The following CASTOR2 variants were observed in gnomAD, a reference collection of about 807,000 sequenced individuals.
CASTOR2 encodes the protein GATS protein like 2.
In CASTOR2, 8 loss-of-function variants were observed where a neutral mutation model predicts 31.2. That is an observed-to-expected ratio of 0.26 (90% CI 0.15 to 0.46). The LOEUF is 0.46. Ranked by LOEUF, CASTOR2 falls within the 20% of genes least tolerant of loss-of-function variation. The probability of loss-of-function intolerance (pLI) is 0.99; values close to 1 mark genes in which losing one functional copy is unlikely to be tolerated. For missense variants in CASTOR2, 216 were observed against 382.1 expected, an observed-to-expected ratio of 0.57 and a Z score of 3.62; for synonymous variants, 162 against 158.7, an observed-to-expected ratio of 1.02 and a Z score of -0.16.
intron 2 of CASTOR2, among the ~76,000 whole-genome samples, chr7:75,009,016 GC>G (rs1218936181): frequency 1.3e-5 from 2 of 152,138 alleles, no homozygotes; most frequent in Non-Finnish European, 2.9e-5. Context: ...GAGTGCAATG[GC>G]ACGATCTCGG....
chr7:75,009,412 C>CAT (rs1804681907), intron 2 of CASTOR2, among the ~76,000 whole-genome samples: 2 of 147,784 alleles, frequency 1.4e-5, no homozygotes, highest in Non-Finnish European at 3.0e-5. Flanking sequence ...GGACTACAGG[C>CAT]GCCCGCCACC....
intron 1 of CASTOR2, among the ~76,000 whole-genome samples, chr7:74,985,397 T>C (rs2131924836): frequency 6.6e-6 from 1 of 151,706 alleles, no homozygotes; most frequent in Admixed American, 6.6e-5. Context: ...CTGGGCAACA[T>C]AGTGAGACCC....
At chr7:74,995,888 T>C (rs1445462733) in intron 1 of CASTOR2, among the ~76,000 whole-genome samples, 2 of 150,612 alleles carry the variant, frequency 1.3e-5, no homozygotes, top group Non-Finnish European at 2.9e-5. Context: ...GTTGGGAGGC[T>C]CACTTGAGCC....
At chr7:75,011,669 GGC>G in intron 2 of CASTOR2, among the ~76,000 whole-genome samples, 1 of 139,998 alleles carries the variant, frequency 7.1e-6, no homozygotes, top group East Asian at 2.2e-4. Flanking sequence ...CCGGGAGGCG[GGC>G]TTGCAGTGAG....
chr7:74,969,971 C>G (rs1231138807), intron 1 of CASTOR2, among the ~76,000 whole-genome samples: 1 of 147,782 alleles, frequency 6.8e-6, no homozygotes, highest in Non-Finnish European at 1.5e-5. Flanking sequence ...AAGACACTAG[C>G]TTTGGAGAAG....
At position 75,011,923 on chromosome 7, in the gene CASTOR2, C is replaced by T. The variant is rs1215864504; in HGVS notation, c.184+3859C>T. 1.1e-4 allele frequency among the ~76,000 whole-genome samples: 17 copies of T among 150,230 alleles called. 1 individual carries two copies. The highest frequency in any genetic ancestry group is 9.3e-4 in the Admixed American group (14 of 15,066). On this transcript the variant is annotated intron_variant, in intron 2 of 8. Coordinates refer to ENST00000616305, the MANE Select transcript of CASTOR2 (RefSeq NM_001145064.3). ...TGGAGGTTGCAGTGAGCCGAGATCG[C>T]GCCATTGCACTCCAGCCTGGGGGAC...
chr7:75,018,181 G>T (rs1275522763), intron 4 of CASTOR2, 59 bp downstream of exon 4: 3 of 1,585,868 alleles, frequency 1.9e-6, no homozygotes, highest in Non-Finnish European at 2.6e-6. Context: ...AGGCCCAGCC[G>T]CAGACCAGCC....
intron 7 of CASTOR2, among the ~76,000 whole-genome samples, chr7:75,022,870 T>C (rs1319305630): frequency 6.6e-6 from 1 of 152,008 alleles, no homozygotes; most frequent in Non-Finnish European, 1.5e-5. Flanking sequence ...AGAAAAAAAA[T>C]CACTCCTTAT....
rs1805129710 is a variant in CASTOR2, at chr7:75,026,268, C to CG, written c.*1569_*1570insG. 6.7e-6 allele frequency among the ~76,000 whole-genome samples: 1 copy of CG among 148,388 alleles called. No individual in the cohort carries two copies. Among genetic ancestry groups the CG allele is most frequent in the Non-Finnish European group, 1.5e-5 (1 of 67,434 alleles). The stretch of plus-strand genomic sequence containing the variant: ...GCAGTGGCACGATCTTGGCTCACTA[C>CG]ACCCTCCTCCTCCCAGGTTCAAGTG... On this transcript the variant is annotated 3_prime_UTR_variant, in exon 9 of 9. Coordinates refer to ENST00000616305, the MANE Select transcript of CASTOR2 (RefSeq NM_001145064.3).
intron 1 of CASTOR2, among the ~76,000 whole-genome samples, chr7:74,998,863 C>T (rs1383466024): frequency 6.6e-6 from 1 of 152,132 alleles, no homozygotes; most frequent in African/African-American, 2.4e-5. Context: ...TTTGTGATTT[C>T]TTCTGCCCTA....
At chr7:74,992,017 G>T (rs1213081366) in intron 1 of CASTOR2, among the ~76,000 whole-genome samples, 1 of 152,072 alleles carries the variant, frequency 6.6e-6, no homozygotes, top group African/African-American at 2.4e-5. Context: ...ATGACAGCAG[G>T]GATGAAAAAG....
In CASTOR2 at chr7:75,028,151, T is replaced by C; in HGVS notation, c.*3452T>C. On this transcript the variant is annotated 3_prime_UTR_variant, in exon 9 of 9. Transcript: ENST00000616305. ...TTTTTTTTTTGAGACGGAGTCTTGCTCTGTCGCCCAGGCTGGAGTGCTGTG... is the reference window on the plus strand; with the variant it reads ...TTTTTTTTTTGAGACGGAGTCTTGCCCTGTCGCCCAGGCTGGAGTGCTGTG... 1 of 1,374,780 alleles carries C rather than the reference T, an allele frequency of 7.3e-7. No homozygotes were observed. Among genetic ancestry groups the C allele is most frequent in the Non-Finnish European group, 9.6e-7 (1 of 1,037,682 alleles). 85.2% of individuals were successfully genotyped at this position (1,374,780 alleles called of 1,614,324 possible). A position where few individuals can be genotyped will look rare whatever the true frequency, so the allele number is the denominator to read the frequency against.
chr7:75,002,038 G>A (rs1315639467), intron 1 of CASTOR2, among the ~76,000 whole-genome samples: 2 of 152,070 alleles, frequency 1.3e-5, no homozygotes, highest in Admixed American at 1.3e-4. Flanking sequence ...TGGGAGATGA[G>A]GGAAAGGAAG....
rs1369325406 is a variant in CASTOR2, at chr7:75,014,982, A to G, written c.185-2616A>G. On this transcript the variant is annotated intron_variant, in intron 2 of 8. Coordinates refer to ENST00000616305, the MANE Select transcript of CASTOR2 (RefSeq NM_001145064.3). ...GGCTTTGATAAGAGACAGGCCTCCCACTGCTCAAGACTGGGGCCGCCCTTT... is the reference window on the plus strand; with the variant it reads ...GGCTTTGATAAGAGACAGGCCTCCCGCTGCTCAAGACTGGGGCCGCCCTTT... Among the ~76,000 whole-genome samples, 6 of 152,218 alleles carry G rather than the reference A, an allele frequency of 3.9e-5. No individual in the cohort carries two copies. The East Asian group carries it at 9.6e-4, about 24-fold the overall frequency.
intron 1 of CASTOR2, among the ~76,000 whole-genome samples, chr7:74,999,601 C>CATT: frequency 2.2e-5 from 1 of 45,760 alleles, no homozygotes; most frequent in Non-Finnish European, 3.4e-5. Flanking sequence ...TCACTCACTG[C>CATT]TTTTTTTTTT....
At chr7:74,996,695 C>A (rs1487522285) in intron 1 of CASTOR2, among the ~76,000 whole-genome samples, 2 of 132,528 alleles carry the variant, frequency 1.5e-5, no homozygotes, top group Non-Finnish European at 3.1e-5. Flanking sequence ...TTTATGAAAG[C>A]AACCACAGCA....
At chr7:74,990,254 A>G (rs1455183847) in intron 1 of CASTOR2, among the ~76,000 whole-genome samples, 2 of 151,744 alleles carry the variant, frequency 1.3e-5, no homozygotes, top group Admixed American at 1.3e-4. Flanking sequence ...CGGGCATGGT[A>G]GTGGTTGCCT....
Position 75,031,164 on chromosome 7 carries a change from T to C in CASTOR2, c.*6465T>C, listed in dbSNP as rs1429437400. Reference sequence around the variant, plus strand: ...CTCTATGCCAAAATCATTTCCGTTATCCTGAGATGGGGGTGAGTGGATGGA... The same window carrying C: ...CTCTATGCCAAAATCATTTCCGTTACCCTGAGATGGGGGTGAGTGGATGGA... On this transcript the variant is annotated 3_prime_UTR_variant, in exon 9 of 9. Transcript: ENST00000616305. 1.3e-5 allele frequency among the ~76,000 whole-genome samples: 2 copies of C among 152,140 alleles called. No individual in the cohort carries two copies. Among genetic ancestry groups the C allele is most frequent in the Non-Finnish European group, 2.9e-5 (2 of 68,022 alleles).
chr7:74,991,869 G>A (rs1271295713), intron 1 of CASTOR2, among the ~76,000 whole-genome samples: 3 of 152,068 alleles, frequency 2.0e-5, no homozygotes, highest in African/African-American at 4.8e-5. Flanking sequence ...TGGTATTATC[G>A]TGGAGACAGT....
Sources: allele counts gnomAD v4.1 joint callset (sites outside exome capture counted in the v4.1 genomes callset), GRCh38; gene constraint gnomAD v4.1.1; transcripts MANE v1.5; gene names NCBI Gene and HGNC (gene_info 2026-07-23, HGNC 2026-07-21).